The following NUP98 variants were observed in gnomAD, a reference collection of about 807,000 sequenced individuals.
The protein encoded by NUP98 is nucleoporin 98 and 96 precursor, also known as nuclear pore complex protein Nup98-Nup96.
NUP98 carries 26 observed loss-of-function variants against 191.9 expected under a neutral mutation model. The observed-to-expected ratio is 0.14, with a 90% confidence interval of 0.10 to 0.19. The LOEUF (loss-of-function observed/expected upper bound fraction) is 0.19, where lower values mean the gene tolerates loss of function less well. NUP98 is among the 10% of genes least tolerant of loss of function. The pLI is 1.00. For missense variants in NUP98, 1,941 were observed against 2,178.8 expected, an observed-to-expected ratio of 0.89 and a Z score of 2.17; for synonymous variants, 808 against 778.4, an observed-to-expected ratio of 1.04 and a Z score of -0.63.
intron 12 of NUP98, among the ~76,000 whole-genome samples, chr11:3,739,987 A>C (rs1262663163): frequency 6.6e-6 from 1 of 152,148 alleles, no homozygotes; most frequent in Non-Finnish European, 1.5e-5. Context: ...CGTACTACAT[A>C]TAATATACGT....
At position 3,677,646 on chromosome 11, in the gene NUP98, G is replaced by A. The variant is rs117424078; in HGVS notation, c.5074-1026C>T. On this transcript the variant is annotated intron_variant, in intron 31 of 32. Transcript: ENST00000324932. The stretch of plus-strand genomic sequence containing the variant: ...CCCACAAAATCATTATTTTGGTAAG[G>A]GCAGAACACATACTGTTTACCTTTA... 6.2e-4 allele frequency among the ~76,000 whole-genome samples: 94 copies of A among 152,046 alleles called. No individual in the cohort carries two copies. In the East Asian group the frequency reaches 0.014, roughly 23 times the overall value.
chr11:3,789,915 G>C (rs998774803), intron 1 of NUP98, among the ~76,000 whole-genome samples: 1 of 152,152 alleles, frequency 6.6e-6, no homozygotes, highest in Non-Finnish European at 1.5e-5. Flanking sequence ...CTCTCGAGAA[G>C]ATGGGACTAC....
intron 26 of NUP98, 150 bp from the exon 27 acceptor site, chr11:3,693,525 G>C (rs2078389055): frequency 2.4e-6 from 2 of 834,320 alleles, no homozygotes; most frequent in Non-Finnish European, 3.6e-6. Context: ...CTCACAGCTA[G>C]TGAGAGGGAA....
intron 5 of NUP98, 132 bp from the exon 6 acceptor site, chr11:3,773,871 G>T (rs2133915119): frequency 3.7e-6 from 2 of 534,792 alleles, no homozygotes; most frequent in East Asian, 3.1e-5. Context: ...TTTCAAGGGT[G>T]CTTGATTAAA....
At chr11:3,779,306 G>A (rs1343533220) in intron 2 of NUP98, 49 bp from the exon 3 acceptor site, 9 of 1,354,562 alleles carry the variant, frequency 6.6e-6, no homozygotes, top group Middle Eastern at 1.8e-4. Flanking sequence ...TAAAATCTAC[G>A]TAAGATGACC....
intron 16 of NUP98, among the ~76,000 whole-genome samples, chr11:3,722,105 C>CT (rs923606079): frequency 0.045 from 4,896 of 108,250 alleles, 264 homozygotes; most frequent in South Asian, 0.14. Context: ...ACCTGGAATT[C>CT]TTTTTTTTTT....
intron 11 of NUP98, among the ~76,000 whole-genome samples, chr11:3,750,378 G>A (rs771411068): frequency 6.6e-6 from 1 of 152,166 alleles, no homozygotes; most frequent in Non-Finnish European, 1.5e-5. Context: ...TTACAGGCAT[G>A]AGCCACCTCA....
rs1005312261 is a variant in NUP98, at chr11:3,713,696, G to A, written c.2577+122C>T. The A allele has an allele frequency of 3.7e-5, 35 of 937,498 alleles. No homozygotes were observed. In the African/African-American group the frequency reaches 5.5e-4, roughly 15 times the overall value. The allele number at this position is 937,498 out of a possible 1,614,324, so 58.1% of individuals were successfully genotyped here. On this transcript the variant is annotated intron_variant, in intron 19 of 32. Transcript: ENST00000324932. ...ATCCCACCATTGTACTCCAGCCTGAGCAACAGAGCAAGAACCCCATCAATC... is the reference window on the plus strand; with the variant it reads ...ATCCCACCATTGTACTCCAGCCTGAACAACAGAGCAAGAACCCCATCAATC...
intron 9 of NUP98, among the ~76,000 whole-genome samples, chr11:3,761,440 G>A (rs568594538): frequency 6.6e-6 from 1 of 152,128 alleles, no homozygotes; most frequent in East Asian, 1.9e-4. Flanking sequence ...TAGCCAACGT[G>A]GCAAAATCCC....
intron 15 of NUP98, among the ~76,000 whole-genome samples, chr11:3,724,452 A>T (rs1186400248): frequency 1.3e-5 from 2 of 149,952 alleles, no homozygotes; most frequent in Admixed American, 6.6e-5. Context: ...AAAAAAATAA[A>T]TAAATAAATT....
chr11:3,768,245 C>T (rs1245338057), intron 8 of NUP98, among the ~76,000 whole-genome samples: 2 of 151,914 alleles, frequency 1.3e-5, no homozygotes, highest in African/African-American at 2.4e-5. Flanking sequence ...CACGGTGAAA[C>T]CCCATCTGTA....
intron 18 of NUP98, among the ~76,000 whole-genome samples, chr11:3,719,137 A>T (rs1316208357): frequency 1.3e-5 from 2 of 152,046 alleles, no homozygotes; most frequent in African/African-American, 4.8e-5. Context: ...AAAAAATAAT[A>T]ATAGTAAAAT....
chr11:3,708,805 C>A (rs747688791), intron 20 of NUP98, among the ~76,000 whole-genome samples: 2 of 151,624 alleles, frequency 1.3e-5, no homozygotes, highest in African/African-American at 4.9e-5. Context: ...TGGAAAAGAA[C>A]GGCACGTATA....
At position 3,685,877 on chromosome 11, in the gene NUP98, C is replaced by T. The variant is rs2078118869; in HGVS notation, c.4676+96G>A. 4.4e-6 allele frequency: 4 copies of T among 918,770 alleles called. No homozygotes were observed. In the Admixed American group the frequency reaches 7.6e-5, roughly 17 times the overall value. 56.9% of individuals were successfully genotyped at this position (918,770 alleles called of 1,614,324 possible). A position where few individuals can be genotyped will look rare whatever the true frequency, so the allele number is the denominator to read the frequency against. ...CGCTGGATCTAACACACATTCTACACAATTACTTGCTAAACTGAACCCTGA... is the reference window on the plus strand; with the variant it reads ...CGCTGGATCTAACACACATTCTACATAATTACTTGCTAAACTGAACCCTGA... On this transcript the variant is annotated intron_variant, in intron 29 of 32. Coordinates refer to ENST00000324932, the MANE Select transcript of NUP98 (RefSeq NM_016320.5).
In NUP98 at chr11:3,731,675, T is replaced by A. The variant is rs140306012; in HGVS notation, c.1543-97A>T. On this transcript the variant is annotated intron_variant, in intron 13 of 32. Coordinates refer to ENST00000324932, the MANE Select transcript of NUP98 (RefSeq NM_016320.5). ...GACCAGATTTCAATCCTCATCTTTG[T>A]CATTCACCTGCTAGATACCTGTTGA... The A allele has an allele frequency of 1.0e-3, 805 of 781,426 alleles. 3 individuals carry two copies. In the African/African-American group the frequency reaches 0.013, roughly 13 times the overall value. 48.4% of individuals were successfully genotyped at this position (781,426 alleles called of 1,614,324 possible).
rs529324893 is a variant in NUP98, at chr11:3,719,539, T to C, written c.2272A>G (p.Ile758Val). ...FTIGRKGYGS[I>V]YFEGDVNLTN... The stretch of plus-strand genomic sequence containing the variant: ...AAATTCACATCTCCTTCAAAATAGA[T>C]TGAACCATAACCTATAAATCAGAGC... Residue 758 changes from isoleucine (I) to valine (V), a missense_variant, in exon 18 of 33, where the codon ATC (isoleucine) becomes GTC (valine). Around this residue, in one of 6 missense-constraint regions of NUP98, gnomAD observed 453 missense variants for 438.2 expected, o/e 1.03. Coordinates refer to ENST00000324932, the MANE Select transcript of NUP98 (RefSeq NM_016320.5). 5.7e-6 allele frequency: 9 copies of C among 1,584,844 alleles called. No homozygotes were observed. The highest frequency in any genetic ancestry group is 2.3e-5 in the East Asian group (1 of 43,340).
chr11:3,779,485 T>C (rs1249213712), intron 2 of NUP98, among the ~76,000 whole-genome samples: 1 of 151,446 alleles, frequency 6.6e-6, no homozygotes, highest in East Asian at 2.0e-4. Flanking sequence ...CTACTAAAAA[T>C]ACAAAATTAG....
intron 11 of NUP98, among the ~76,000 whole-genome samples, 194 bp downstream of exon 11, chr11:3,753,122 C>T (rs1249444358): frequency 2.0e-5 from 3 of 152,186 alleles, no homozygotes; most frequent in African/African-American, 7.2e-5. Flanking sequence ...GAGCATACAG[C>T]TTCTAACACA....
chr11:3,691,576 G>C (rs2078312143), intron 27 of NUP98, 87 bp from the exon 28 acceptor site: 12 of 1,316,026 alleles, frequency 9.1e-6, no homozygotes, highest in Non-Finnish European at 1.3e-5. Context: ...TTTTTTGAGA[G>C]GCAGTCTCAC....
Sources: gnomAD v4.1 joint callset for allele counts (sites outside exome capture counted in the v4.1 genomes callset) on GRCh38, gnomAD v4.1.1 for gene constraint, gnomAD v4.1.1 regional missense constraint, MANE v1.5 for transcripts, NCBI Gene and HGNC (gene_info 2026-07-23, HGNC 2026-07-21) for gene names.